The following ADCY7 variants were observed in gnomAD, a reference collection of about 807,000 sequenced individuals.
ADCY7 encodes adenylate cyclase 7, also known as adenylate cyclase type 7.
In ADCY7, 72 loss-of-function variants were observed where a neutral mutation model predicts 120.6. That is an observed-to-expected ratio of 0.60 (90% CI 0.49 to 0.73). The LOEUF (loss-of-function observed/expected upper bound fraction) is 0.73, where lower values mean the gene tolerates loss of function less well. ADCY7 is among the 30% of genes least tolerant of loss of function. The pLI is 0.00. For missense variants in ADCY7, 1,227 were observed against 1,486.0 expected (o/e 0.83, Z 2.87); for synonymous variants, 661 against 628.0 (o/e 1.05, Z -0.78).
At chr16:50,310,518 A>G in intron 18 of ADCY7, 169 bp from the exon 19 acceptor site, 1 of 1,540,132 alleles carries the variant, frequency 6.5e-7, no homozygotes, top group African/African-American at 1.4e-5. Context: ...CTACAGTGAA[A>G]ACAACACTGG....
chr16:50,317,462 CCTCT>C lies in ADCY7; in HGVS notation c.*1960_*1963del, dbSNP rs1477006138. 2 of 152,298 alleles carry C rather than the reference CCTCT, an allele frequency of 1.3e-5. No homozygotes were observed. Among genetic ancestry groups the C allele is most frequent in the African/African-American group, 2.4e-5 (1 of 41,416 alleles). 9.4% of individuals were successfully genotyped at this position (152,298 alleles called of 1,614,324 possible). Reference sequence around the variant, plus strand: ...CATAGAAACACATTAGTGCACTGGGCCTCTCTGAGGTCAGCATATTTGTACTCTT... The same window carrying C: ...CATAGAAACACATTAGTGCACTGGGCCTGAGGTCAGCATATTTGTACTCTT... On this transcript the variant is annotated 3_prime_UTR_variant, in exon 26 of 26. Transcript: ENST00000673801.
chr16:50,299,979 T>C (rs939423291), intron 8 of ADCY7, among the ~76,000 whole-genome samples: 5 of 152,148 alleles, frequency 3.3e-5, no homozygotes, highest in Non-Finnish European at 5.9e-5. Context: ...TTCCCAGGGA[T>C]TGGGGGGGCA....
Position 50,292,781 on chromosome 16 carries a change from T to C in ADCY7, c.643T>C (p.Cys215Arg). ...GGACCTCTTCACCTACACTGTGAAG[T>C]GCATCCAGATCCGCCGGAAGCTGCG... is the stretch of plus-strand genomic sequence containing the variant. ...SRDLFTYTVKCIQIRRKLRIE... is the reference protein window; with the variant it reads ...SRDLFTYTVKRIQIRRKLRIE... The change falls in exon 5 of 26, where the codon TGC becomes CGC. Residue 215 changes from cysteine to arginine, a missense_variant. Physicochemically the swap from Cys to Arg is radical, Grantham distance 180. Coordinates refer to ENST00000673801, the MANE Select transcript of ADCY7 (RefSeq NM_001114.5). 6.2e-7 allele frequency: 1 copy of C among 1,613,852 alleles called. No homozygotes were observed. The highest frequency in any genetic ancestry group is 8.5e-7 in the Non-Finnish European group (1 of 1,179,978).
chr16:50,295,345 A>ATTT (rs67137852), intron 7 of ADCY7, among the ~76,000 whole-genome samples: 3,464 of 82,408 alleles, frequency 0.042, 323 homozygotes, highest in Non-Finnish European at 0.056. Context: ...CGCCTGGCTA[A>ATTT]TTTTTTTTTT....
In ADCY7 at chr16:50,299,139, G is replaced by A. The variant is rs78094621; in HGVS notation, c.1076+108G>A. The A allele has an allele frequency of 2.7e-3, 3,802 of 1,383,110 alleles. 78 individuals carry two copies. In the African/African-American group the frequency reaches 0.047, roughly 17 times the overall value. The allele number at this position is 1,383,110 out of a possible 1,614,324, so 85.7% of individuals were successfully genotyped here. Reference sequence around the variant, plus strand: ...GTCACAGATGGGGAAACTGAGGCTCGGGGGGTTGGGGGTGAAAGCAGCTTG... The same window carrying A: ...GTCACAGATGGGGAAACTGAGGCTCAGGGGGTTGGGGGTGAAAGCAGCTTG... On this transcript the variant is annotated intron_variant, in intron 8 of 25. Coordinates refer to ENST00000673801, the MANE Select transcript of ADCY7 (RefSeq NM_001114.5).
intron 1 of ADCY7, among the ~76,000 whole-genome samples, chr16:50,251,081 G>GA (rs1171339576): frequency 3.1e-3 from 464 of 148,516 alleles, no homozygotes; most frequent in African/African-American, 9.8e-3. Flanking sequence ...CCCAAAAAAA[G>GA]AAAAAAAAAA....
chr16:50,301,246 G>C lies in ADCY7; in HGVS notation c.1368+32G>C, dbSNP rs752345785. The stretch of plus-strand genomic sequence containing the variant: ...GGGCTCAGAGGCCGCAGCTGGGGGG[G>C]ACCCGGAGGGACTGGAGGGGCCCTG... On this transcript the variant is annotated intron_variant, in intron 10 of 25. Transcript: ENST00000673801. 5.6e-5 allele frequency: 86 copies of C among 1,543,174 alleles called. 1 individual carries two copies. In the East Asian group the frequency reaches 1.0e-3, roughly 18 times the overall value.
intron 1 of ADCY7, among the ~76,000 whole-genome samples, chr16:50,259,107 A>G (rs1465395539): frequency 6.6e-6 from 1 of 152,268 alleles, no homozygotes; most frequent in Non-Finnish European, 1.5e-5. Context: ...AGATCTAAAC[A>G]AAAAGATAAA....
upstream of ADCY7, among the ~76,000 whole-genome samples, chr16:50,262,407 C>G (rs2033082861): frequency 6.6e-6 from 1 of 151,978 alleles, no homozygotes; most frequent in Non-Finnish European, 1.5e-5. Flanking sequence ...CAGGTGCCCG[C>G]CACAATGCCT....
chr16:50,308,740 C>A lies in ADCY7; in HGVS notation c.2009C>A (p.Thr670Asn), dbSNP rs2036247480. ...GAGACACAGCCCCTGCTGAGGCTGACCCTGGCCGTCCTGACCATCGGCAGC... is the reference window on the plus strand; with the variant it reads ...GAGACACAGCCCCTGCTGAGGCTGAACCTGGCCGTCCTGACCATCGGCAGC... ...RVETQPLLRL[T>N]LAVLTIGSLL... is the part of the protein sequence containing the mutation. The change falls in exon 17 of 26, where the codon ACC (threonine) becomes AAC (asparagine). Residue 670 changes from threonine to asparagine, a missense_variant. Thr to Asn is a moderately conservative substitution (Grantham distance 65, BLOSUM62 0). Coordinates refer to ENST00000673801, the MANE Select transcript of ADCY7 (RefSeq NM_001114.5). The A allele has an allele frequency of 5.0e-6, 8 of 1,613,302 alleles. No homozygotes were observed. The highest frequency in any genetic ancestry group is 6.8e-6 in the Non-Finnish European group (8 of 1,179,984).
chr16:50,285,586 C>T (rs2150930381), intron 1 of ADCY7, among the ~76,000 whole-genome samples: 1 of 152,324 alleles, frequency 6.6e-6, no homozygotes, highest in East Asian at 1.9e-4. Context: ...GCCATTTGTG[C>T]CCTGTGACTG....
At chr16:50,314,493 C>A in intron 24 of ADCY7, 87 bp downstream of exon 24, 1 of 982,828 alleles carries the variant, frequency 1.0e-6, no homozygotes, top group Non-Finnish European at 1.6e-6. Context: ...ACCTCGCCAT[C>A]TATTATGAAA....
At chr16:50,256,804 CCCTT>C (rs1341528060) in intron 1 of ADCY7, among the ~76,000 whole-genome samples, 1 of 152,096 alleles carries the variant, frequency 6.6e-6, no homozygotes, top group Non-Finnish European at 1.5e-5. Context: ...GTAGGAACCT[CCCTT>C]CCTTCCGCTT....
intron 1 of ADCY7, among the ~76,000 whole-genome samples, chr16:50,267,812 G>T (rs991187318): frequency 3.3e-5 from 5 of 152,242 alleles, no homozygotes; most frequent in African/African-American, 1.2e-4. Context: ...TGACAAGCCA[G>T]CCAATTTGAG....
rs780545901 is a variant in ADCY7, at chr16:50,304,934, C to A, written c.1570C>A (p.Gln524Lys). 6.2e-6 allele frequency: 10 copies of A among 1,613,544 alleles called. No individual in the cohort carries two copies. The highest frequency in any genetic ancestry group is 7.6e-6 in the Non-Finnish European group (9 of 1,180,008). Residue 524 changes from glutamine to lysine, a missense_variant, in exon 12 of 26, where the codon CAG becomes AAG. Gln to Lys is a moderately conservative substitution (Grantham distance 53). This residue lies in a region of ADCY7 where 332 missense variants were observed against 455.8 expected (regional missense o/e 0.73). Coordinates refer to ENST00000673801, the MANE Select transcript of ADCY7 (RefSeq NM_001114.5). ...CTCCCTTCCCTTTCAGAGCGTTCCC[C>A]AGCGCCACCGCCGGACCCCAGACAG... ...PNGRRPKSVP[Q>K]RHRRTPDRSM...
Position 50,313,435 on chromosome 16 carries a change from C to A in ADCY7, c.2751+399C>A, listed in dbSNP as rs571821597. 5.1e-3 allele frequency: 844 copies of A among 164,590 alleles called. 9 individuals are homozygous for A. Among genetic ancestry groups the A allele is most frequent in the African/African-American group, 0.021 (783 of 38,134 alleles). The allele number at this position is 164,590 out of a possible 1,614,324, so 10.2% of individuals were successfully genotyped here. A position where few individuals can be genotyped will look rare whatever the true frequency, so the allele number is the denominator to read the frequency against. On this transcript the variant is annotated intron_variant, in intron 22 of 25. Transcript: ENST00000673801. ...CTGTCTCAAACAACAACAACAACAA[C>A]AAAAAAAAAACGACGTGGCCCGCCT... is the stretch of plus-strand genomic sequence containing the variant.
intron 1 of ADCY7, among the ~76,000 whole-genome samples, chr16:50,275,292 A>G (rs1407668582): frequency 2.0e-5 from 3 of 152,182 alleles, no homozygotes. Context: ...GTGCGCAGCT[A>G]GCCCAACCTG....
In ADCY7 at chr16:50,304,524, C is replaced by A; in HGVS notation, c.1533C>A (p.Thr511=). 1.3e-6 allele frequency: 2 copies of A among 1,573,032 alleles called. No homozygotes were observed. Among genetic ancestry groups the A allele is most frequent in the African/African-American group, 2.7e-5 (2 of 73,312 alleles). ...NHRESVSSGE[T]HVPNGRRPKS... ...GTGAGAGCGTGAGCAGTGGTGAGAC[C>A]CACGTCCCCAACGGGCGGAGGCCTA... Residue 511 remains threonine (T), a synonymous_variant, in exon 11 of 26, where the codon ACC becomes ACA. Transcript: ENST00000673801.
intron 22 of ADCY7, 171 bp from the exon 23 acceptor site, chr16:50,313,787 C>A: frequency 1.7e-6 from 1 of 602,888 alleles, no homozygotes. Flanking sequence ...CCGCCAAGGG[C>A]CATGTCCTCA....
Sources: allele counts gnomAD v4.1 joint callset (sites outside exome capture counted in the v4.1 genomes callset), GRCh38; gene constraint gnomAD v4.1.1; regional missense constraint gnomAD v4.1.1; transcripts MANE v1.5; gene names NCBI Gene and HGNC (gene_info 2026-07-23, HGNC 2026-07-21).